SRD5A3: variants seen among roughly 807,000 people sequenced by gnomAD.
SRD5A3 encodes the protein steroid 5 alpha-reductase 3.
A neutral mutation model predicts 34.3 loss-of-function variants in SRD5A3; 24 were observed. The observed-to-expected ratio is 0.70, with a 90% CI of 0.51 to 0.99. SRD5A3 has a LOEUF of 0.99. SRD5A3 is among the 50% of genes least tolerant of loss of function. The pLI, the probability that SRD5A3 is intolerant of heterozygous loss-of-function variation, is 0.00. For synonymous variants in SRD5A3, 161 were observed against 167.3 expected (o/e 0.96, Z 0.29); for missense variants, 350 against 388.2 (o/e 0.90, Z 0.83).
chr4:55,355,326 C>T (rs1366377511), intron 1 of SRD5A3, among the ~76,000 whole-genome samples: 7 of 151,994 alleles, frequency 4.6e-5, no homozygotes, highest in African/African-American at 9.6e-5. Flanking sequence ...GGCGTGGTGG[C>T]GGGCGCCTAT....
rs1720106362 is a variant in SRD5A3 at position 55,370,965 on chromosome 4, C to T, written c.*874C>T. On this transcript the variant is annotated 3_prime_UTR_variant, in exon 5 of 5. Coordinates refer to ENST00000264228, the MANE Select transcript of SRD5A3 (RefSeq NM_024592.5). ...TTGTTGGAGTTAGTTTATACTTTCA[C>T]ATATCACCACAAAGATCTCCAGTTA... 6.6e-6 allele frequency: 1 copy of T among 152,152 alleles called. No homozygotes were observed. The highest frequency in any genetic ancestry group is 2.4e-5 in the African/African-American group (1 of 41,434). 9.4% of individuals were successfully genotyped at this position (152,152 alleles called of 1,614,324 possible).
In SRD5A3 at chr4:55,371,189, A is replaced by G. The variant is rs1720115036; in HGVS notation, c.*1098A>G. ...ACGGAAGTGACACACTCTGGATTGA[A>G]TAATACTGTAGCCTCATTCATATGT... On this transcript the variant is annotated 3_prime_UTR_variant, in exon 5 of 5. Coordinates refer to ENST00000264228, the MANE Select transcript of SRD5A3 (RefSeq NM_024592.5). 1 of 152,242 alleles carries G rather than the reference A, an allele frequency of 6.6e-6. No homozygotes were observed. The highest frequency in any genetic ancestry group is 1.9e-4 in the East Asian group (1 of 5,196). The allele number at this position is 152,242 out of a possible 1,614,324, so 9.4% of individuals were successfully genotyped here.
At chr4:55,361,692 TACTC>T (rs897786874) in intron 2 of SRD5A3, among the ~76,000 whole-genome samples, 8 of 152,002 alleles carry the variant, frequency 5.3e-5, no homozygotes, top group Admixed American at 3.3e-4. Context: ...TAATCCCACT[TACTC>T]AGGAGGCTGA....
chr4:55,354,747 C>T (rs551606134), intron 1 of SRD5A3, among the ~76,000 whole-genome samples: 7 of 152,364 alleles, frequency 4.6e-5, no homozygotes, highest in South Asian at 2.1e-4. Flanking sequence ...ATTCCTCCTT[C>T]CTCTTTTCTG....
rs531867639 is a variant in SRD5A3, at chr4:55,346,699, C to G, written c.221+142C>G. On this transcript the variant is annotated intron_variant, in intron 1 of 4. Coordinates refer to ENST00000264228, the MANE Select transcript of SRD5A3 (RefSeq NM_024592.5). Reference sequence around the variant, plus strand: ...GCGGGTTCCCGGGCGCAGCACGGCGCTCCCTCGGCCTGGCCCCGGCCATGC... The same window carrying G: ...GCGGGTTCCCGGGCGCAGCACGGCGGTCCCTCGGCCTGGCCCCGGCCATGC... 2.1e-3 allele frequency: 1,517 copies of G among 739,004 alleles called. 3 individuals are homozygous for G. Among genetic ancestry groups the G allele is most frequent in the Admixed American group, 2.7e-3 (63 of 22,926 alleles). 45.8% of individuals were successfully genotyped at this position (739,004 alleles called of 1,614,324 possible). A position where few individuals can be genotyped will look rare whatever the true frequency, so the allele number is the denominator to read the frequency against.
At chr4:55,357,995 CA>C (rs2109471734) in intron 1 of SRD5A3, among the ~76,000 whole-genome samples, 1 of 152,334 alleles carries the variant, frequency 6.6e-6, no homozygotes, top group South Asian at 2.1e-4. Context: ...CATTCTCTTA[CA>C]AGCACATTCT....
At chr4:55,363,275 T>A (rs9312660) in intron 2 of SRD5A3, among the ~76,000 whole-genome samples, 111,163 of 150,802 alleles carry the variant, frequency 0.74, 41,161 homozygotes, top group East Asian at 0.87. Flanking sequence ...ACAAAAAAAA[T>A]TTTTTTTTAA....
chr4:55,363,923 A>G, intron 2 of SRD5A3, 151 bp from the exon 3 acceptor site: 3 of 797,686 alleles, frequency 3.8e-6, no homozygotes, highest in Non-Finnish European at 6.5e-6. Flanking sequence ...GTGAAGTCAA[A>G]TTCCTTGACT....
chr4:55,364,873 A>T (rs1433174586), intron 3 of SRD5A3: 1 of 158,152 alleles, frequency 6.3e-6, no homozygotes, highest in Non-Finnish European at 1.4e-5. Flanking sequence ...AGGAGAGGAC[A>T]AAGAGTACTG....
intron 1 of SRD5A3, among the ~76,000 whole-genome samples, chr4:55,353,763 C>G (rs967352051): frequency 2.0e-5 from 3 of 152,172 alleles, no homozygotes; most frequent in Non-Finnish European, 1.5e-5. Context: ...TCTGCGGCTT[C>G]ACTCCTGAAG....
chr4:55,358,272 G>A (rs535245446), intron 1 of SRD5A3, among the ~76,000 whole-genome samples: 3 of 152,226 alleles, frequency 2.0e-5, no homozygotes, highest in Non-Finnish European at 2.9e-5. Context: ...GCTCACACCT[G>A]TAATCTCAGC....
intron 1 of SRD5A3, among the ~76,000 whole-genome samples, chr4:55,348,949 G>C (rs1451698150): frequency 6.6e-6 from 1 of 152,088 alleles, no homozygotes; most frequent in Non-Finnish European, 1.5e-5. Flanking sequence ...TAAATATCTT[G>C]GTTAATCCAA....
intron 4 of SRD5A3, among the ~76,000 whole-genome samples, chr4:55,368,490 T>C (rs1277215770): frequency 6.8e-6 from 1 of 147,234 alleles, no homozygotes; most frequent in Non-Finnish European, 1.5e-5. Context: ...AGTGGCACAA[T>C]CTCGGCTCAC....
chr4:55,368,674 C>A (rs1276707789), intron 4 of SRD5A3, among the ~76,000 whole-genome samples: 1 of 151,822 alleles, frequency 6.6e-6, no homozygotes, highest in African/African-American at 2.4e-5. Context: ...GATCCACCCA[C>A]CTCGGCCTCC....
At position 55,359,501 on chromosome 4, in the gene SRD5A3, T is replaced by C; in HGVS notation, c.364+13T>C. The C allele has an allele frequency of 6.2e-7, 1 of 1,614,010 alleles. No homozygotes were observed. Among genetic ancestry groups the C allele is most frequent in the South Asian group, 1.1e-5 (1 of 91,074 alleles). On this transcript the variant is annotated intron_variant, in intron 2 of 4. Transcript: ENST00000264228. ...GCACAGTTCCAGGGTAAGGACTCCCTGGGCTTATGACAACGCTGCATCCCG... is the reference window on the plus strand; with the variant it reads ...GCACAGTTCCAGGGTAAGGACTCCCCGGGCTTATGACAACGCTGCATCCCG...
chr4:55,368,792 G>A lies in SRD5A3; in HGVS notation c.698-1040G>A, dbSNP rs191794429. Among the ~76,000 whole-genome samples the A allele has an allele frequency of 8.1e-3, 1,230 of 151,944 alleles. 13 individuals are homozygous for A. Among genetic ancestry groups the A allele is most frequent in the African/African-American group, 0.028 (1,154 of 41,428 alleles). ...CTCACTCTGTCACCCAGGCTGGAGT[G>A]CAGTGGCACCATCTCAGCTCACTGC... is the stretch of plus-strand genomic sequence containing the variant. On this transcript the variant is annotated intron_variant, in intron 4 of 4. Transcript: ENST00000264228.
At chr4:55,366,939 T>G (rs969510143) in intron 3 of SRD5A3, 1 of 152,944 alleles carries the variant, frequency 6.5e-6, no homozygotes, top group Non-Finnish European at 1.5e-5. Context: ...TTTCCACTCC[T>G]GAAACTCAGT....
intron 1 of SRD5A3, among the ~76,000 whole-genome samples, chr4:55,353,656 G>A (rs925471257): frequency 2.0e-5 from 3 of 152,160 alleles, no homozygotes; most frequent in Non-Finnish European, 4.4e-5. Flanking sequence ...AAGGTCTGCG[G>A]CTTCACTCCT....
At chr4:55,354,445 A>G (rs994507605) in intron 1 of SRD5A3, among the ~76,000 whole-genome samples, 7 of 152,198 alleles carry the variant, frequency 4.6e-5, no homozygotes, top group African/African-American at 1.2e-4. Flanking sequence ...GCCCCAAACC[A>G]TAGAGTAGCT....
Sources: gnomAD v4.1 joint callset for allele counts (sites outside exome capture counted in the v4.1 genomes callset) on GRCh38, gnomAD v4.1.1 for gene constraint, MANE v1.5 for transcripts, NCBI Gene and HGNC (gene_info 2026-07-23, HGNC 2026-07-21) for gene names.